The following FAM168B variants were observed in gnomAD, a reference collection of about 807,000 sequenced individuals.
FAM168B encodes family with sequence similarity 168 member B.
In FAM168B, 19 loss-of-function variants were observed where a neutral mutation model predicts 21.8. The observed-to-expected ratio is 0.87, with a 90% CI of 0.61 to 1.28. The LOEUF (loss-of-function observed/expected upper bound fraction) is 1.28, where lower values mean the gene tolerates loss of function less well. Among genes scored for constraint, FAM168B ranks in the 50% most tolerant of loss-of-function variants. The pLI is 0.00. For missense variants in FAM168B, 233 were observed against 263.1 expected, an observed-to-expected ratio of 0.89 and a Z score of 0.79; for synonymous variants, 126 against 104.8, an observed-to-expected ratio of 1.20 and a Z score of -1.24.
In FAM168B at chr2:131,049,196, T is replaced by C. The variant is rs893362178; in HGVS notation, c.*3269A>G. On this transcript the variant is annotated 3_prime_UTR_variant, in exon 7 of 7. Transcript: ENST00000389915. ...TTACTGTTGTGTCCCCCAAGACACA[T>C]GCAAATTATTTCCTAGACCTCATTC... 4 of 985,282 alleles carry C rather than the reference T, an allele frequency of 4.1e-6. No homozygotes were observed. In the African/African-American group the frequency reaches 5.2e-5, roughly 13 times the overall value. The allele number at this position is 985,282 out of a possible 1,614,324, so 61.0% of individuals were successfully genotyped here. A position where few individuals can be genotyped will look rare whatever the true frequency, so the allele number is the denominator to read the frequency against.
At chr2:131,064,062 C>A (rs1268407604) in intron 3 of FAM168B, among the ~76,000 whole-genome samples, 3 of 152,132 alleles carry the variant, frequency 2.0e-5, no homozygotes, top group Non-Finnish European at 4.4e-5. Context: ...CCCCAGGAAG[C>A]CCATCTGTAC....
At chr2:131,083,822 C>T (rs1252069608) in intron 1 of FAM168B, among the ~76,000 whole-genome samples, 1 of 151,990 alleles carries the variant, frequency 6.6e-6, no homozygotes, top group Non-Finnish European at 1.5e-5. Flanking sequence ...AAAATATGAA[C>T]AGTGATTGAC....
intron 3 of FAM168B, among the ~76,000 whole-genome samples, chr2:131,067,723 T>TCA (rs141270322): frequency 0.012 from 1,729 of 149,450 alleles, 15 homozygotes; most frequent in African/African-American, 0.017. Context: ...CCTATCACAC[T>TCA]CACACACACA....
At chr2:131,078,860 C>A (rs1230584291) in intron 2 of FAM168B, among the ~76,000 whole-genome samples, 38 of 151,980 alleles carry the variant, frequency 2.5e-4, no homozygotes, top group Non-Finnish European at 1.5e-5. Flanking sequence ...GTAGCGCACA[C>A]CTGTAGTCCC....
intron 3 of FAM168B, among the ~76,000 whole-genome samples, chr2:131,057,674 A>G (rs1044307957): frequency 2.0e-5 from 3 of 152,188 alleles, no homozygotes; most frequent in Admixed American, 6.5e-5. Context: ...CCTGAGCCGG[A>G]GGTCAACGCT....
chr2:131,077,058 G>A lies in FAM168B; in HGVS notation c.71-5120C>T, dbSNP rs117852039. Among the ~76,000 whole-genome samples the A allele has an allele frequency of 4.2e-4, 64 of 152,092 alleles. No individual in the cohort carries two copies. In the East Asian group the frequency reaches 0.012, roughly 29 times the overall value. ...CCCCAGCTCTAGGAACCCACCCTGA[G>A]GAGAATTCCCAGAGTCACACAAACA... On this transcript the variant is annotated intron_variant, in intron 2 of 6. Transcript: ENST00000389915.
Position 131,048,063 on chromosome 2 carries a change from A to T in FAM168B, c.*4402T>A. 1 of 571,554 alleles carries T rather than the reference A, an allele frequency of 1.7e-6. No individual in the cohort carries two copies. The highest frequency in any genetic ancestry group is 2.5e-6 in the Non-Finnish European group (1 of 397,394). 35.4% of individuals were successfully genotyped at this position (571,554 alleles called of 1,614,324 possible). The stretch of plus-strand genomic sequence containing the variant: ...GGAAATTCCATTCCTTGGCATGGAT[A>T]CGTAAGTTCAATGCAGAGGTGAGGG... On this transcript the variant is annotated 3_prime_UTR_variant, in exon 7 of 7. Transcript: ENST00000389915.
chr2:131,053,126 G>GTAT (rs1691795670), intron 5 of FAM168B, 111 bp from the exon 6 acceptor site: 1 of 1,390,526 alleles, frequency 7.2e-7, no homozygotes, highest in African/African-American at 1.5e-5. Context: ...TACAGGAAGA[G>GTAT]GGATAGTCTT....
intron 2 of FAM168B, 127 bp from the exon 3 acceptor site, chr2:131,072,065 C>CT (rs1448389361): frequency 2.7e-6 from 2 of 728,368 alleles, no homozygotes; most frequent in Non-Finnish European, 4.7e-6. Context: ...CCCAAGAGCA[C>CT]TATGTGTGGC....
At chr2:131,062,115 C>CTT (rs1319213504) in intron 3 of FAM168B, among the ~76,000 whole-genome samples, 1 of 152,188 alleles carries the variant, frequency 6.6e-6, no homozygotes. Context: ...AGTCCTTGAC[C>CTT]TTTTTATCAC....
At chr2:131,089,038 C>A in intron 1 of FAM168B, among the ~76,000 whole-genome samples, 1 of 151,548 alleles carries the variant, frequency 6.6e-6, no homozygotes, top group East Asian at 1.9e-4. Flanking sequence ...GCGATCTCAG[C>A]TCACCGCAAC....
chr2:131,053,965 A>G (rs925924701), intron 5 of FAM168B, among the ~76,000 whole-genome samples: 1 of 152,232 alleles, frequency 6.6e-6, no homozygotes, highest in Admixed American at 6.5e-5. Flanking sequence ...GCACTCTGGG[A>G]GGCCGAGGCA....
At chr2:131,057,219 C>T (rs1004993139) in intron 3 of FAM168B, among the ~76,000 whole-genome samples, 3 of 152,118 alleles carry the variant, frequency 2.0e-5, no homozygotes, top group African/African-American at 4.8e-5. Context: ...CACAGGTCCA[C>T]GAAAGACTTG....
chr2:131,054,717 C>T (rs1040991598), intron 5 of FAM168B, among the ~76,000 whole-genome samples: 4 of 152,156 alleles, frequency 2.6e-5, no homozygotes, highest in African/African-American at 9.7e-5. Flanking sequence ...CCAGGGCTTC[C>T]GCGGAGATGT....
At chr2:131,091,190 T>C (rs747816454) in intron 1 of FAM168B, among the ~76,000 whole-genome samples, 1 of 151,902 alleles carries the variant, frequency 6.6e-6, no homozygotes, top group Admixed American at 6.6e-5. Context: ...AACACAAACA[T>C]TACCTGGGCA....
intron 3 of FAM168B, among the ~76,000 whole-genome samples, chr2:131,068,474 C>T (rs1422684380): frequency 6.6e-6 from 1 of 152,146 alleles, no homozygotes; most frequent in African/African-American, 2.4e-5. Context: ...TTATATTTTT[C>T]ATTCACCAAT....
chr2:131,061,337 A>T (rs1261997739), intron 3 of FAM168B, among the ~76,000 whole-genome samples: 1 of 151,662 alleles, frequency 6.6e-6, no homozygotes, highest in Non-Finnish European at 1.5e-5. Context: ...TGAAAAGTAT[A>T]CAGTACTTTC....
chr2:131,082,515 T>A, intron 2 of FAM168B, 62 bp downstream of exon 2: 4 of 1,138,948 alleles, frequency 3.5e-6, no homozygotes, highest in Admixed American at 2.4e-5. Flanking sequence ...GCATTCTTAG[T>A]GACATGAAAA....
chr2:131,088,167 A>G (rs1693810916), intron 1 of FAM168B, among the ~76,000 whole-genome samples: 1 of 152,142 alleles, frequency 6.6e-6, no homozygotes, highest in Non-Finnish European at 1.5e-5. Context: ...AACCGCTTCA[A>G]CCTGGGAGGT....
Sources: gnomAD v4.1 joint callset for allele counts (sites outside exome capture counted in the v4.1 genomes callset) on GRCh38, gnomAD v4.1.1 for gene constraint, MANE v1.5 for transcripts, NCBI Gene and HGNC (gene_info 2026-07-23, HGNC 2026-07-21) for gene names.